Variants in RHBDL2 observed in about 807,000 individuals in gnomAD.
The protein encoded by RHBDL2 is rhomboid-related protein 2.
RHBDL2 carries 26 observed loss-of-function variants against 31.7 expected under a neutral mutation model. That is an observed-to-expected ratio of 0.82 (90% CI 0.60 to 1.14). RHBDL2 has a LOEUF of 1.14. Among genes scored for constraint, RHBDL2 ranks in the 50% most tolerant of loss-of-function variants. The pLI is 0.00. For synonymous variants in RHBDL2, 123 were observed against 127.2 expected (o/e 0.97, Z 0.22); for missense variants, 336 against 364.4 (o/e 0.92, Z 0.63).
At chr1:38,908,194 A>G (rs1419722236) in intron 4 of RHBDL2, among the ~76,000 whole-genome samples, 2 of 151,298 alleles carry the variant, frequency 1.3e-5, no homozygotes, top group East Asian at 3.9e-4. Flanking sequence ...ATTCAACATC[A>G]TTAGCCATTA....
At chr1:38,941,358 G>T (rs539417669) in intron 1 of RHBDL2, among the ~76,000 whole-genome samples, 1 of 152,130 alleles carries the variant, frequency 6.6e-6, no homozygotes. Context: ...TGGGGAGAAC[G>T]TGATGGCTGG....
intron 6 of RHBDL2, among the ~76,000 whole-genome samples, chr1:38,891,956 C>T (rs932245674): frequency 6.6e-6 from 1 of 152,210 alleles, no homozygotes; most frequent in Admixed American, 6.5e-5. Flanking sequence ...GGTCTGTCAA[C>T]ACCAGTTACC....
At chr1:38,926,102 C>T (rs1225127207) in intron 1 of RHBDL2, 1 of 1,192,858 alleles carries the variant, frequency 8.4e-7, no homozygotes, top group Non-Finnish European at 1.1e-6. Flanking sequence ...AGACATTAAC[C>T]ATGCCCAATA....
At chr1:38,886,789 G>A (rs1252581007) in intron 7 of RHBDL2, 106 bp from the exon 8 acceptor site, 5 of 916,024 alleles carry the variant, frequency 5.5e-6, no homozygotes, top group Non-Finnish European at 7.8e-6. Context: ...AGTTAAACAA[G>A]AGTCTTAAAG....
intron 5 of RHBDL2, among the ~76,000 whole-genome samples, chr1:38,895,528 G>A (rs1212850599): frequency 1.3e-5 from 2 of 152,180 alleles, no homozygotes; most frequent in Admixed American, 1.3e-4. Flanking sequence ...AGGAAGCTAG[G>A]TGCGGCAGCT....
intron 1 of RHBDL2, among the ~76,000 whole-genome samples, chr1:38,932,196 C>T (rs1044959972): frequency 1.3e-5 from 2 of 151,608 alleles, no homozygotes. Flanking sequence ...GTAGGAGTCT[C>T]TCTGAGCCTG....
intron 5 of RHBDL2, among the ~76,000 whole-genome samples, chr1:38,895,326 G>A (rs1642905064): frequency 1.3e-5 from 2 of 151,128 alleles, no homozygotes; most frequent in Non-Finnish European, 2.9e-5. Context: ...TAATAAACTT[G>A]GTTTCCTTTA....
At chr1:38,888,271 G>A (rs1453660818) in intron 6 of RHBDL2, among the ~76,000 whole-genome samples, 2 of 151,346 alleles carry the variant, frequency 1.3e-5, no homozygotes, top group Middle Eastern at 3.4e-3. Flanking sequence ...TATGTGTCAG[G>A]CATTATTCTA....
Position 38,896,753 on chromosome 1 carries a change from T to C in RHBDL2, c.509-684A>G, listed in dbSNP as rs540945993. On this transcript the variant is annotated intron_variant, in intron 4 of 7. Coordinates refer to ENST00000372990, the MANE Select transcript of RHBDL2 (RefSeq NM_017821.5). ...ATTGCTAACCTAATCCTAGATTTAC[T>C]GGACCAAAACAAGGCTTTGCAAACC... Among the ~76,000 whole-genome samples, 41 of 152,336 alleles carry C rather than the reference T, an allele frequency of 2.7e-4. 3 individuals are homozygous for C. The South Asian group carries it at 5.0e-3, about 18-fold the overall frequency.
chr1:38,887,188 T>C (rs1642794333), intron 7 of RHBDL2, among the ~76,000 whole-genome samples: 1 of 152,184 alleles, frequency 6.6e-6, no homozygotes, highest in Admixed American at 6.5e-5. Flanking sequence ...ACTCAATCTT[T>C]CATTGCTGTT....
chr1:38,938,627 A>G (rs1184639572), intron 1 of RHBDL2, among the ~76,000 whole-genome samples: 1 of 152,198 alleles, frequency 6.6e-6, no homozygotes, highest in Non-Finnish European at 1.5e-5. Context: ...TAAGTTAAAG[A>G]AAAGAAAAGA....
intron 4 of RHBDL2, among the ~76,000 whole-genome samples, chr1:38,901,841 AAAATAAAT>A (rs139309825): frequency 2.7e-4 from 40 of 148,938 alleles, no homozygotes; most frequent in African/African-American, 3.9e-4. Flanking sequence ...CAAAAAAAAT[AAAATAAAT>A]AAATAAATAA....
At position 38,917,017 on chromosome 1, in the gene RHBDL2, C is replaced by CTT. The variant is rs547654933; in HGVS notation, c.247-1309_247-1308dup. Among the ~76,000 whole-genome samples, 319 of 119,886 alleles carry CTT rather than the reference C, an allele frequency of 2.7e-3. 4 individuals carry two copies. The highest frequency in any genetic ancestry group is 7.6e-3 in the African/African-American group (249 of 32,980). 78.6% of individuals were successfully genotyped at this position (119,886 alleles called of 152,430 possible). On this transcript the variant is annotated intron_variant, in intron 2 of 7. Transcript: ENST00000372990. ...TGGGTGAGAGGCATACAGGAACTTTCTTTTTTTTTTTTTTTTTTGAGATGG... is the reference window on the plus strand; with the variant it reads ...TGGGTGAGAGGCATACAGGAACTTTCTTTTTTTTTTTTTTTTTTTTGAGATGG...
intron 5 of RHBDL2, among the ~76,000 whole-genome samples, chr1:38,894,976 A>G (rs1198662960): frequency 6.6e-6 from 1 of 152,162 alleles, no homozygotes; most frequent in Non-Finnish European, 1.5e-5. Flanking sequence ...CAGTGTTGGG[A>G]TTACAGGCGT....
chr1:38,906,645 G>C (rs1219846798), intron 4 of RHBDL2, among the ~76,000 whole-genome samples: 3 of 151,118 alleles, frequency 2.0e-5, no homozygotes, highest in Non-Finnish European at 4.4e-5. Context: ...CTGCACTCCA[G>C]CCTGGGCGAC....
intron 1 of RHBDL2, among the ~76,000 whole-genome samples, chr1:38,935,770 A>T (rs769400491): frequency 7.2e-5 from 11 of 151,950 alleles, no homozygotes; most frequent in Middle Eastern, 3.4e-3. Context: ...GTACCACCAC[A>T]CCTGGCTAAC....
intron 4 of RHBDL2, among the ~76,000 whole-genome samples, chr1:38,908,650 A>G (rs971197480): frequency 1.8e-4 from 28 of 152,060 alleles, no homozygotes; most frequent in African/African-American, 5.8e-4. Flanking sequence ...CTGCTGCTCA[A>G]ACCTCTGGGG....
chr1:38,933,941 T>A (rs1643464757), intron 1 of RHBDL2, among the ~76,000 whole-genome samples: 2 of 152,054 alleles, frequency 1.3e-5, no homozygotes, highest in Admixed American at 1.3e-4. Context: ...TAGGCTGGGC[T>A]GGTCTCAAAA....
chr1:38,927,243 T>C (rs890687233), intron 1 of RHBDL2, among the ~76,000 whole-genome samples: 17 of 152,042 alleles, frequency 1.1e-4, no homozygotes, highest in Admixed American at 3.3e-4. Flanking sequence ...CTGGCTAACA[T>C]GGTGAAACCC....
Sources: gnomAD v4.1 joint callset for allele counts (sites outside exome capture counted in the v4.1 genomes callset) on GRCh38, gnomAD v4.1.1 for gene constraint, MANE v1.5 for transcripts, NCBI Gene and HGNC (gene_info 2026-07-23, HGNC 2026-07-21) for gene names.